Variants in METTL15 observed in about 807,000 individuals in gnomAD.
METTL15 encodes methyltransferase 15, mitochondrial 12S rRNA N4-cytidine.
Under a neutral mutation model 38.3 loss-of-function variants are expected in METTL15, and 34 were observed. The ratio of observed to expected loss-of-function variants is 0.89; its 90% confidence interval spans 0.68 to 1.18. The LOEUF (loss-of-function observed/expected upper bound fraction) is 1.18. Among genes scored for constraint, METTL15 ranks in the 50% most tolerant of loss-of-function variants. The probability of loss-of-function intolerance (pLI) is 0.00; values close to 1 mark genes in which losing one functional copy is unlikely to be tolerated. For missense variants in METTL15, 438 were observed against 498.4 expected, an observed-to-expected ratio of 0.88 and a Z score of 1.15; for synonymous variants, 162 against 170.9, an observed-to-expected ratio of 0.95 and a Z score of 0.41.
intron 6 of METTL15, among the ~76,000 whole-genome samples, chr11:28,450,644 A>G (rs188111660): frequency 4.1e-4 from 63 of 152,356 alleles, no homozygotes; most frequent in African/African-American, 1.5e-3. Context: ...AGAGTTATTA[A>G]TCTGGATTTA....
intron 1 of METTL15, among the ~76,000 whole-genome samples, chr11:28,109,680 G>A (rs1359589445): frequency 6.6e-6 from 1 of 152,160 alleles, no homozygotes; most frequent in Middle Eastern, 3.2e-3. Flanking sequence ...AAATTGCATG[G>A]ATCATTGGTG....
intron 3 of METTL15, among the ~76,000 whole-genome samples, chr11:28,142,931 G>A (rs1849748823): frequency 6.6e-6 from 1 of 152,030 alleles, no homozygotes; most frequent in Admixed American, 6.6e-5. Context: ...AAGAGATGGT[G>A]GTAGTTTAGA....
intron 5 of METTL15, among the ~76,000 whole-genome samples, chr11:28,390,970 T>C (rs913585799): frequency 2.0e-4 from 31 of 152,296 alleles, no homozygotes; most frequent in Non-Finnish European, 3.2e-4. Flanking sequence ...GATTCCTAAG[T>C]ATTTTATTCT....
chr11:28,122,371 GTATATATA>G (rs371299481), intron 3 of METTL15, among the ~76,000 whole-genome samples: 4 of 77,652 alleles, frequency 5.2e-5, no homozygotes, highest in African/African-American at 7.9e-5. Flanking sequence ...GTGTGTGTGT[GTATATATA>G]TATATATATA....
chr11:28,416,573 GAA>G (rs377208139), intron 5 of METTL15, among the ~76,000 whole-genome samples: 3 of 152,208 alleles, frequency 2.0e-5, no homozygotes, highest in African/African-American at 7.2e-5. Flanking sequence ...ATCTAAGAGT[GAA>G]ACCAGGTATA....
chr11:28,515,649 A>G (rs1186259391), intron 6 of METTL15, among the ~76,000 whole-genome samples: 3 of 152,350 alleles, frequency 2.0e-5, no homozygotes, highest in South Asian at 2.1e-4. Flanking sequence ...CAGTTATGAC[A>G]GAGATCATAT....
chr11:28,450,124 C>T (rs976500924), intron 6 of METTL15, among the ~76,000 whole-genome samples: 1 of 152,192 alleles, frequency 6.6e-6, no homozygotes, highest in Non-Finnish European at 1.5e-5. Flanking sequence ...ATTTATTCAT[C>T]TGTCAACCTA....
chr11:28,250,935 G>A (rs990450939), intron 4 of METTL15, among the ~76,000 whole-genome samples: 43 of 152,082 alleles, frequency 2.8e-4, no homozygotes, highest in African/African-American at 9.9e-4. Flanking sequence ...GGGTGTAAGA[G>A]AAGAATTTCA....
At chr11:28,411,182 A>G (rs1850721197) in intron 5 of METTL15, among the ~76,000 whole-genome samples, 1 of 152,000 alleles carries the variant, frequency 6.6e-6, no homozygotes, top group South Asian at 2.1e-4. Context: ...CCAAAGCAAT[A>G]TACAGATTTA....
At chr11:28,133,541 A>G (rs1218731515) in intron 3 of METTL15, among the ~76,000 whole-genome samples, 1 of 152,218 alleles carries the variant, frequency 6.6e-6, no homozygotes, top group African/African-American at 2.4e-5. Flanking sequence ...AGTGTAATCC[A>G]TAAGATACTG....
downstream of METTL15, among the ~76,000 whole-genome samples, chr11:28,530,991 GT>G (rs916575417): frequency 1.7e-4 from 26 of 150,828 alleles, no homozygotes; most frequent in East Asian, 7.8e-4. Flanking sequence ...TATAATTCTA[GT>G]TTTTTTTTAG....
At chr11:28,508,979 C>T (rs942326406) in intron 6 of METTL15, among the ~76,000 whole-genome samples, 2 of 152,152 alleles carry the variant, frequency 1.3e-5, no homozygotes, top group Admixed American at 1.3e-4. Flanking sequence ...CATAAGGGAG[C>T]CAGTTTTCAT....
intron 4 of METTL15, among the ~76,000 whole-genome samples, chr11:28,275,112 A>G (rs1405595983): frequency 1.3e-5 from 2 of 151,756 alleles, no homozygotes; most frequent in East Asian, 1.9e-4. Context: ...AAAATATATA[A>G]AAAGATCAAA....
intron 6 of METTL15, among the ~76,000 whole-genome samples, chr11:28,439,023 CA>C (rs10713896): frequency 0.53 from 79,826 of 149,538 alleles, 21,592 homozygotes; most frequent in East Asian, 0.74. Context: ...GTGAAGAATG[CA>C]AAAAAAAAAA....
intron 5 of METTL15, among the ~76,000 whole-genome samples, chr11:28,363,817 T>G (rs1372453819): frequency 2.0e-5 from 3 of 152,180 alleles, no homozygotes; most frequent in Non-Finnish European, 4.4e-5. Flanking sequence ...TAGTTTGAGG[T>G]TTTAGATTTA....
chr11:28,133,801 A>C (rs377206738), intron 3 of METTL15, among the ~76,000 whole-genome samples: 1 of 152,146 alleles, frequency 6.6e-6, no homozygotes, highest in East Asian at 1.9e-4. Flanking sequence ...AAGAGACCCC[A>C]AGTTAGAATC....
At chr11:28,506,499 A>T (rs1318660313) in intron 6 of METTL15, among the ~76,000 whole-genome samples, 6 of 152,174 alleles carry the variant, frequency 3.9e-5, no homozygotes, top group African/African-American at 1.4e-4. Context: ...TAAGCACTCA[A>T]AGAGTGGTAA....
chr11:28,286,486 C>T (rs4923527), intron 4 of METTL15, among the ~76,000 whole-genome samples: 11,484 of 152,128 alleles, frequency 0.075, 616 homozygotes, highest in Non-Finnish European at 0.11. Context: ...AGGTAGCCAA[C>T]AAATATCCTT....
chr11:28,261,264 A>G (rs1010615656), intron 4 of METTL15: 1 of 152,252 alleles, frequency 6.6e-6, no homozygotes, highest in Non-Finnish European at 1.5e-5. Flanking sequence ...ACACAATTAC[A>G]TTAGAAGCTA....
Sources: gnomAD v4.1 joint callset for allele counts (sites outside exome capture counted in the v4.1 genomes callset) on GRCh38, gnomAD v4.1.1 for gene constraint, MANE v1.5 for transcripts, NCBI Gene and HGNC (gene_info 2026-07-23, HGNC 2026-07-21) for gene names.